Variants in RPS6KA2 observed in about 807,000 individuals in gnomAD.
RPS6KA2 encodes the protein ribosomal protein S6 kinase alpha-2.
Under a neutral mutation model 91.8 loss-of-function variants are expected in RPS6KA2, and 42 were observed. That is an observed-to-expected ratio of 0.46 (90% CI 0.36 to 0.59). RPS6KA2 has a LOEUF of 0.59. Among genes scored for constraint, RPS6KA2 ranks in the 20% least tolerant of loss-of-function variants. The pLI, the probability that RPS6KA2 is intolerant of heterozygous loss-of-function variation, is 0.00. For synonymous variants in RPS6KA2, 414 were observed against 393.6 expected (o/e 1.05, Z -0.61); for missense variants, 798 against 978.5 (o/e 0.82, Z 2.46).
intron 2 of RPS6KA2, among the ~76,000 whole-genome samples, chr6:166,708,889 G>A (rs1341958699): frequency 1.3e-5 from 2 of 152,168 alleles, no homozygotes; most frequent in East Asian, 1.9e-4. Flanking sequence ...TAAATGCATT[G>A]TACCACAAAT....
At chr6:166,462,864 G>A (rs1780370827) in intron 11 of RPS6KA2, 1 of 152,400 alleles carries the variant, frequency 6.6e-6, no homozygotes, top group South Asian at 2.1e-4. Context: ...TGAGGGCCAG[G>A]GCCTTCCTTC....
intron 2 of RPS6KA2, among the ~76,000 whole-genome samples, chr6:166,721,663 C>T (rs983817517): frequency 3.3e-5 from 5 of 152,322 alleles, no homozygotes; most frequent in African/African-American, 9.6e-5. Flanking sequence ...CCTTCTAAGA[C>T]CGAGTCTCGG....
rs903197440 is a variant in RPS6KA2 at position 166,553,334 on chromosome 6, G to A, written c.100-14550C>T. 2.6e-5 allele frequency among the ~76,000 whole-genome samples: 4 copies of A among 152,124 alleles called. No individual in the cohort carries two copies. In the East Asian group the frequency reaches 7.7e-4, roughly 29 times the overall value. ...GATGGTGGTCTCACTATGTTGCCCA[G>A]GCAGGTCTCAAACTCCTGAGCTCAA... is the stretch of plus-strand genomic sequence containing the variant. On this transcript the variant is annotated intron_variant, in intron 1 of 20. Transcript: ENST00000265678.
intron 1 of RPS6KA2, among the ~76,000 whole-genome samples, chr6:166,562,461 T>C (rs1465906145): frequency 2.6e-5 from 4 of 152,230 alleles, no homozygotes; most frequent in African/African-American, 9.6e-5. Context: ...CATCTCTGGC[T>C]CTCTGTTGAG....
chr6:166,550,834 C>T (rs1783989102), intron 1 of RPS6KA2, among the ~76,000 whole-genome samples: 1 of 151,820 alleles, frequency 6.6e-6, no homozygotes, highest in Admixed American at 6.6e-5. Flanking sequence ...AACCCCGTCT[C>T]TACTAAAATA....
chr6:166,483,482 A>G (rs916340963), intron 10 of RPS6KA2, among the ~76,000 whole-genome samples: 2 of 152,232 alleles, frequency 1.3e-5, no homozygotes, highest in Non-Finnish European at 2.9e-5. Context: ...GGGAAAGGAA[A>G]AATCAGGCCT....
At chr6:166,753,688 T>C (rs1278952070) in intron 2 of RPS6KA2, among the ~76,000 whole-genome samples, 1 of 152,238 alleles carries the variant, frequency 6.6e-6, no homozygotes, top group African/African-American at 2.4e-5. Context: ...GTTATTTAGA[T>C]TGTGTTAATG....
At chr6:166,643,153 T>C (rs981994120) in intron 2 of RPS6KA2, among the ~76,000 whole-genome samples, 3 of 152,192 alleles carry the variant, frequency 2.0e-5, no homozygotes, top group African/African-American at 4.8e-5. Flanking sequence ...CCAACTCTTC[T>C]AGTAGCTATT....
At chr6:166,443,170 A>C (rs1779572999) in intron 14 of RPS6KA2, among the ~76,000 whole-genome samples, 1 of 152,216 alleles carries the variant, frequency 6.6e-6, no homozygotes, top group Non-Finnish European at 1.5e-5. Flanking sequence ...TAAGCAAATC[A>C]TAAGGAAGAG....
chr6:166,485,348 G>A (rs1442947911), intron 10 of RPS6KA2, among the ~76,000 whole-genome samples: 2 of 152,218 alleles, frequency 1.3e-5, no homozygotes, highest in Non-Finnish European at 2.9e-5. Context: ...TTTTGTGGCA[G>A]TTTACAGCAT....
intron 11 of RPS6KA2, among the ~76,000 whole-genome samples, chr6:166,462,354 C>T (rs1303906977): frequency 6.6e-6 from 1 of 152,218 alleles, no homozygotes; most frequent in African/African-American, 2.4e-5. Flanking sequence ...ACCACAGCCT[C>T]GCTTCACAGC....
chr6:166,717,674 G>T (rs1790050649), intron 2 of RPS6KA2, among the ~76,000 whole-genome samples: 1 of 152,162 alleles, frequency 6.6e-6, no homozygotes, highest in Non-Finnish European at 1.5e-5. Flanking sequence ...CAGTGGTAGT[G>T]CATATCTCTC....
At chr6:166,514,013 T>C (rs1782557057) in intron 3 of RPS6KA2, among the ~76,000 whole-genome samples, 1 of 152,232 alleles carries the variant, frequency 6.6e-6, no homozygotes, top group Non-Finnish European at 1.5e-5. Context: ...TTCTGCGTGC[T>C]GGTCAGAGTA....
intron 2 of RPS6KA2, among the ~76,000 whole-genome samples, chr6:166,724,681 C>A (rs540578048): frequency 1.3e-5 from 2 of 152,328 alleles, no homozygotes; most frequent in South Asian, 4.1e-4. Flanking sequence ...TAATCTGTGG[C>A]CATTTGGCCT....
At chr6:166,757,069 C>T (rs1778033305) in intron 2 of RPS6KA2, among the ~76,000 whole-genome samples, 1 of 152,060 alleles carries the variant, frequency 6.6e-6, no homozygotes, top group African/African-American at 2.4e-5. Context: ...ATTTCACCAT[C>T]ACATAAAAAA....
At chr6:166,760,542 A>C (rs1472862878) in intron 2 of RPS6KA2, among the ~76,000 whole-genome samples, 1 of 152,248 alleles carries the variant, frequency 6.6e-6, no homozygotes, top group Non-Finnish European at 1.5e-5. Context: ...GGTTGATTCT[A>C]TCGCTCCTGG....
At chr6:166,643,185 T>A (rs1357007278) in intron 2 of RPS6KA2, among the ~76,000 whole-genome samples, 1 of 152,192 alleles carries the variant, frequency 6.6e-6, no homozygotes, top group Non-Finnish European at 1.5e-5. Context: ...TAGTAGTTTG[T>A]AAGTGAGGCA....
intron 10 of RPS6KA2, among the ~76,000 whole-genome samples, chr6:166,473,972 A>G (rs1780865985): frequency 7.0e-6 from 1 of 142,328 alleles, no homozygotes; most frequent in Admixed American, 6.9e-5. Context: ...CCAATTTGAA[A>G]TTTCATCTAT....
At chr6:166,534,424 T>A (rs894904062) in intron 2 of RPS6KA2, among the ~76,000 whole-genome samples, 2 of 152,026 alleles carry the variant, frequency 1.3e-5, no homozygotes, top group Non-Finnish European at 2.9e-5. Flanking sequence ...ATGACGGATT[T>A]GTGTTTGGAC....
Sources: allele counts gnomAD v4.1 joint callset (sites outside exome capture counted in the v4.1 genomes callset), GRCh38; gene constraint gnomAD v4.1.1; transcripts MANE v1.5; gene names NCBI Gene and HGNC (gene_info 2026-07-23, HGNC 2026-07-21).